ZFAND3: variants seen among roughly 807,000 people sequenced by gnomAD.
ZFAND3 encodes AN1-type zinc finger protein 3.
ZFAND3 carries 10 observed loss-of-function variants against 29.6 expected under a neutral mutation model. The ratio of observed to expected loss-of-function variants is 0.34; its 90% CI spans 0.21 to 0.57. ZFAND3 has a LOEUF of 0.57. Ranked by LOEUF, ZFAND3 falls within the 20% of genes least tolerant of loss-of-function variation. The probability of loss-of-function intolerance (pLI) is 0.86; values close to 1 mark genes in which losing one functional copy is unlikely to be tolerated. For missense variants in ZFAND3, 230 were observed against 304.5 expected (o/e 0.76, Z 1.82); for synonymous variants, 128 against 112.6 (o/e 1.14, Z -0.87).
intron 1 of ZFAND3, among the ~76,000 whole-genome samples, chr6:37,877,138 G>C (rs1212867428): frequency 1.3e-5 from 2 of 152,130 alleles, no homozygotes; most frequent in Non-Finnish European, 2.9e-5. Context: ...TTCACCAGTG[G>C]GAATCAATAA....
intron 1 of ZFAND3, among the ~76,000 whole-genome samples, chr6:37,917,704 G>C (rs937262392): frequency 6.6e-6 from 1 of 152,142 alleles, no homozygotes; most frequent in Non-Finnish European, 1.5e-5. Context: ...AGCTTCACTT[G>C]TCAGTGAGCA....
Position 38,082,378 on chromosome 6 carries a change from C to T in ZFAND3, c.296-14C>T. On this transcript the variant is annotated splice_polypyrimidine_tract_variant and intron_variant, in intron 3 of 5. Transcript: ENST00000287218. ...GATGTGTCCTGACTGATGCACCTGCCTTTCTGTTTCTAGGTGGGCCATGCA... is the reference window on the plus strand; with the variant it reads ...GATGTGTCCTGACTGATGCACCTGCTTTTCTGTTTCTAGGTGGGCCATGCA... The T allele has an allele frequency of 6.2e-7, 1 of 1,610,020 alleles. No individual in the cohort carries two copies. Among genetic ancestry groups the T allele is most frequent in the Non-Finnish European group, 8.5e-7 (1 of 1,177,964 alleles).
intron 1 of ZFAND3, among the ~76,000 whole-genome samples, chr6:37,878,880 A>G (rs1561920188): frequency 6.6e-6 from 1 of 152,144 alleles, no homozygotes; most frequent in Non-Finnish European, 1.5e-5. Context: ...TGAAGTTCTT[A>G]AGAAGCTAGG....
intron 5 of ZFAND3, among the ~76,000 whole-genome samples, chr6:38,125,019 G>A (rs1765608847): frequency 6.6e-6 from 1 of 152,098 alleles, no homozygotes; most frequent in Non-Finnish European, 1.5e-5. Context: ...TGACTCAAGA[G>A]AAGAAAGTGT....
chr6:38,114,060 T>C (rs1765369685), intron 4 of ZFAND3, among the ~76,000 whole-genome samples: 1 of 152,206 alleles, frequency 6.6e-6, no homozygotes, highest in Non-Finnish European at 1.5e-5. Flanking sequence ...ATAGTAATAA[T>C]GAAAAGGCCT....
intron 4 of ZFAND3, among the ~76,000 whole-genome samples, chr6:38,103,729 C>A: frequency 6.6e-6 from 1 of 151,984 alleles, no homozygotes; most frequent in South Asian, 2.1e-4. Context: ...GACTTGGGGC[C>A]AAGGAACAGA....
intron 2 of ZFAND3, among the ~76,000 whole-genome samples, chr6:37,996,986 T>C (rs1291937123): frequency 6.6e-6 from 1 of 152,230 alleles, no homozygotes; most frequent in African/African-American, 2.4e-5. Flanking sequence ...TCTTGAATTA[T>C]TTTTGTAGGA....
chr6:38,009,926 T>C (rs1763116922), intron 2 of ZFAND3, among the ~76,000 whole-genome samples: 1 of 152,108 alleles, frequency 6.6e-6, no homozygotes, highest in African/African-American at 2.4e-5. Flanking sequence ...TTGTGGACGG[T>C]GGGGGCGCAA....
chr6:37,957,624 G>T (rs562084664), intron 2 of ZFAND3, among the ~76,000 whole-genome samples: 1 of 152,110 alleles, frequency 6.6e-6, no homozygotes, highest in South Asian at 2.1e-4. Context: ...CTAGAAGCTG[G>T]TATGGAATAA....
In ZFAND3 at chr6:38,113,274, G is replaced by A. The variant is rs1412202030; in HGVS notation, c.362-3298G>A. On this transcript the variant is annotated intron_variant, in intron 4 of 5. Transcript: ENST00000287218. Reference sequence around the variant, plus strand: ...GATGCCTTTGGTCATAGACTTGTACGGATGCTGGGACATTGATTGTCAGAG... The same window carrying A: ...GATGCCTTTGGTCATAGACTTGTACAGATGCTGGGACATTGATTGTCAGAG... Among the ~76,000 whole-genome samples, 6 of 152,128 alleles carry A rather than the reference G, an allele frequency of 3.9e-5. 1 individual carries two copies. The highest frequency in any genetic ancestry group is 2.6e-4 in the Admixed American group (4 of 15,272).
chr6:38,040,580 G>C (rs1008598911), intron 2 of ZFAND3, among the ~76,000 whole-genome samples: 16 of 152,038 alleles, frequency 1.1e-4, no homozygotes, highest in Admixed American at 9.2e-4. Context: ...TTTTAATTTT[G>C]ATACAATTTC....
chr6:38,090,768 G>A (rs765501701), intron 4 of ZFAND3, among the ~76,000 whole-genome samples: 5 of 152,288 alleles, frequency 3.3e-5, no homozygotes, highest in Non-Finnish European at 7.4e-5. Flanking sequence ...GAATGAAGGA[G>A]TGAGGTAAAA....
intron 3 of ZFAND3, among the ~76,000 whole-genome samples, chr6:38,080,422 G>GC (rs1764639310): frequency 6.6e-6 from 1 of 152,044 alleles, no homozygotes; most frequent in Middle Eastern, 3.2e-3. Flanking sequence ...CCCAACAGTA[G>GC]ATAACAGTGT....
chr6:38,059,769 C>G (rs1483191646), intron 2 of ZFAND3, among the ~76,000 whole-genome samples: 1 of 151,898 alleles, frequency 6.6e-6, no homozygotes, highest in Non-Finnish European at 1.5e-5. Context: ...CCCAGCTACT[C>G]GGGGGCTGAG....
intron 1 of ZFAND3, among the ~76,000 whole-genome samples, chr6:37,857,482 A>G (rs2127382141): frequency 6.6e-6 from 1 of 152,344 alleles, no homozygotes; most frequent in African/African-American, 2.4e-5. Flanking sequence ...TTAGAGGCCC[A>G]GCAAATTTCA....
At chr6:38,018,918 C>G (rs1268129582) in intron 2 of ZFAND3, among the ~76,000 whole-genome samples, 1 of 152,134 alleles carries the variant, frequency 6.6e-6, no homozygotes, top group Non-Finnish European at 1.5e-5. Flanking sequence ...GTTTGAGAGT[C>G]CATTCTCCTG....
In ZFAND3 at chr6:37,905,885, G is replaced by T. The variant is rs550508019; in HGVS notation, c.72-24074G>T. On this transcript the variant is annotated intron_variant, in intron 1 of 5. Transcript: ENST00000287218. ...CATACATCTTGTTTGTAGCAGTGTA[G>T]CAAGTGTTCAGTAAATGTTTAATAT... is the stretch of plus-strand genomic sequence containing the variant. 4.6e-5 allele frequency among the ~76,000 whole-genome samples: 7 copies of T among 152,104 alleles called. 2 individuals carry two copies. The South Asian group carries it at 1.5e-3, about 32-fold the overall frequency.
intron 1 of ZFAND3, among the ~76,000 whole-genome samples, chr6:37,916,087 TAAAAA>T (rs34769590): frequency 7.0e-6 from 1 of 142,464 alleles, no homozygotes; most frequent in African/African-American, 2.6e-5. Context: ...TTTTTTAACT[TAAAAA>T]AAAAAAAAAA....
chr6:37,873,772 G>C (rs760834393), intron 1 of ZFAND3, among the ~76,000 whole-genome samples: 13 of 152,032 alleles, frequency 8.6e-5, no homozygotes, highest in Non-Finnish European at 1.6e-4. Flanking sequence ...AGCCTTTGTG[G>C]GCCACAAGCT....
Sources: gnomAD v4.1 joint callset for allele counts (sites outside exome capture counted in the v4.1 genomes callset) on GRCh38, gnomAD v4.1.1 for gene constraint, MANE v1.5 for transcripts, NCBI Gene and HGNC (gene_info 2026-07-23, HGNC 2026-07-21) for gene names.